INPPL1: variants seen among roughly 807,000 people sequenced by gnomAD.
INPPL1 encodes phosphatidylinositol 3,4,5-trisphosphate 5-phosphatase 2.
Under a neutral mutation model 139.3 loss-of-function variants are expected in INPPL1, and 91 were observed. That is an observed-to-expected ratio of 0.65 (90% CI 0.55 to 0.78). The LOEUF is 0.78. INPPL1 is among the 30% of genes least tolerant of loss of function. INPPL1 has a pLI of 0.00. For synonymous variants in INPPL1, 719 were observed against 686.6 expected (o/e 1.05, Z -0.74); for missense variants, 1,411 against 1,665.6 (o/e 0.85, Z 2.66).
intron 9 of INPPL1, 23 bp downstream of exon 9, chr11:72,230,294 A>C: frequency 1.2e-6 from 2 of 1,610,070 alleles, no homozygotes; most frequent in East Asian, 2.2e-5. Flanking sequence ...CAGACCTGGG[A>C]GGGGTGGGCA....
chr11:72,233,672 G>A lies in INPPL1; in HGVS notation c.2140G>A (p.Val714Ile), dbSNP rs750542712. 14 of 1,613,916 alleles carry A rather than the reference G, an allele frequency of 8.7e-6. No individual in the cohort carries two copies. The highest frequency in any genetic ancestry group is 2.2e-5 in the South Asian group (2 of 91,078). Reference sequence around the variant, plus strand: ...CTCCCCAGGTTGCACTGATGACATCGTCACCAGCGACCATTCCCCCGTGTT... The same window carrying A: ...CTCCCCAGGTTGCACTGATGACATCATCACCAGCGACCATTCCCCCGTGTT... ...CNSYGCTDDI[V>I]TSDHSPVFGT... is the part of the protein sequence containing the mutation. Residue 714 changes from valine (V) to isoleucine (I), a missense_variant, in exon 19 of 28, where the codon GTC becomes ATC. Physicochemically the swap from Val to Ile is conservative, Grantham distance 29. Around this residue, in one of 5 missense-constraint regions of INPPL1, gnomAD observed 363 missense variants for 446.2 expected, o/e 0.81. Transcript: ENST00000298229.
Position 72,228,509 on chromosome 11 carries a change from G to A in INPPL1, c.397+11G>A, listed in dbSNP as rs1000207551. 13 of 1,603,852 alleles carry A rather than the reference G, an allele frequency of 8.1e-6. No homozygotes were observed. The highest frequency in any genetic ancestry group is 1.0e-5 in the Non-Finnish European group (12 of 1,179,866). On this transcript the variant is annotated intron_variant, in intron 3 of 27. Coordinates refer to ENST00000298229, the MANE Select transcript of INPPL1 (RefSeq NM_001567.4). The surrounding 1 kb of genome is among the most constrained non-coding windows in gnomAD (Gnocchi z 5.0). ...ACCGGGATGCCTCAGGTACTTCCCA[G>A]TGTGCAGGTCCCCTCCCTGCCCCTG...
chr11:72,230,749 G>T, intron 10 of INPPL1, 47 bp from the exon 11 acceptor site: 2 of 1,530,280 alleles, frequency 1.3e-6, no homozygotes, highest in Non-Finnish European at 1.8e-6. Flanking sequence ...GTGGACGGGG[G>T]GCTTCCTGGA....
chr11:72,235,769 G>C lies in INPPL1; in HGVS notation c.2738+16G>C. 6.2e-7 allele frequency: 1 copy of C among 1,614,066 alleles called. No homozygotes were observed. The highest frequency in any genetic ancestry group is 1.3e-5 in the African/African-American group (1 of 75,048). On this transcript the variant is annotated intron_variant, in intron 24 of 27. Transcript: ENST00000298229. The surrounding 1 kb of genome is among the most constrained non-coding windows in gnomAD (Gnocchi z 4.9). ...AGGAGCCCAGGTGAGCTAGGGCTGT[G>C]TTGAATGTCATATGAAAGGGTACCT...
rs746004112 is a variant in INPPL1, at chr11:72,238,332, C to T, written c.3756C>T (p.Asp1252=). 1.9e-6 allele frequency: 3 copies of T among 1,571,922 alleles called. No individual in the cohort carries two copies. The highest frequency in any genetic ancestry group is 1.4e-5 in the African/African-American group (1 of 73,446). The part of the protein sequence containing the change: ...QDPAHKRLLL[D]TLQLSK ...CGGCTCACAAGCGCCTCCTTCTGGA[C>T]ACCCTGCAGCTCAGCAAGTGATAGC... The change falls in exon 28 of 28, where the codon GAC becomes GAT. Residue 1252 remains aspartate (D), a synonymous_variant. Transcript: ENST00000298229.
At chr11:72,223,802 G>T, upstream of INPPL1, 1 of 150,826 alleles carries the variant, frequency 6.6e-6, no homozygotes, top group South Asian at 1.8e-4. Context: ...GCGCGGGGCG[G>T]GGTGAGGCGA....
intron 13 of INPPL1, 143 bp from the exon 14 acceptor site, chr11:72,232,097 G>A: frequency 1.5e-6 from 1 of 677,226 alleles, no homozygotes; most frequent in Non-Finnish European, 2.6e-6. Context: ...GGAAGGTGTG[G>A]GTGTGTGCAG....
intron 1 of INPPL1, among the ~76,000 whole-genome samples, chr11:72,226,624 G>C (rs975080770): frequency 1.3e-5 from 2 of 152,186 alleles, no homozygotes; most frequent in Non-Finnish European, 2.9e-5. Context: ...CAGTGGTATG[G>C]AGGTTGAAAA....
Position 72,234,223 on chromosome 11 carries a change from C to G in INPPL1, c.2213-58C>G. Reference sequence around the variant, plus strand: ...CTGTCCCAGGGCCCTGTTTCTCTGTCCCATTCCTCCTGTGATCCTCTCAGT... The same window carrying G: ...CTGTCCCAGGGCCCTGTTTCTCTGTGCCATTCCTCCTGTGATCCTCTCAGT... On this transcript the variant is annotated intron_variant, in intron 19 of 27. Coordinates refer to ENST00000298229, the MANE Select transcript of INPPL1 (RefSeq NM_001567.4). The surrounding 1 kb of genome is among the most constrained non-coding windows in gnomAD (Gnocchi z 4.2). 7.5e-7 allele frequency: 1 copy of G among 1,333,492 alleles called. No homozygotes were observed. Among genetic ancestry groups the G allele is most frequent in the South Asian group, 1.2e-5 (1 of 84,556 alleles). The allele number at this position is 1,333,492 out of a possible 1,614,324, so 82.6% of individuals were successfully genotyped here.
chr11:72,234,448 G>A lies in INPPL1; in HGVS notation c.2326+54G>A, dbSNP rs1948923907. On this transcript the variant is annotated intron_variant, in intron 20 of 27. Transcript: ENST00000298229. This position sits in a 1 kb window ranked among gnomAD's most constrained non-coding sequence, Gnocchi z 4.2. ...GGCCAAGGAGGATGGGAGGCAAGAG[G>A]GTGCAGTCAGCCCCCTACTTAGGGG... The A allele has an allele frequency of 1.3e-6, 2 of 1,590,730 alleles. No homozygotes were observed. Among genetic ancestry groups the A allele is most frequent in the Non-Finnish European group, 1.7e-6 (2 of 1,158,850 alleles).
In INPPL1 at chr11:72,235,368, G is replaced by A. The variant is rs534558725; in HGVS notation, c.2576G>A (p.Arg859His). ...AQQFLTFLSH[R>H]GEETGNIRGS... Reference sequence around the variant, plus strand: ...CAGTTCCTGACCTTCCTATCCCACCGTGGCGAGGAGACAGGCAATATCAGA... The same window carrying A: ...CAGTTCCTGACCTTCCTATCCCACCATGGCGAGGAGACAGGCAATATCAGA... Residue 859 changes from arginine (R) to histidine (H), a missense_variant, in exon 23 of 28, where the codon CGT becomes CAT. Transcript: ENST00000298229. This position sits in a 1 kb window ranked among gnomAD's most constrained non-coding sequence, Gnocchi z 4.9. 3.7e-6 allele frequency: 6 copies of A among 1,614,086 alleles called. No homozygotes were observed. The African/African-American group carries it at 5.3e-5, about 14-fold the overall frequency.
At chr11:72,233,623 CCT>C (rs780844658) in intron 18 of INPPL1, 30 bp from the exon 19 acceptor site, 129 of 1,607,220 alleles carry the variant, frequency 8.0e-5, no homozygotes, top group East Asian at 6.0e-4. Context: ...GAATATTCCC[CCT>C]GAGTCCCCAT....
rs778999359 is a variant in INPPL1 at position 72,235,425 on chromosome 11, G to A, written c.2633G>A (p.Arg878His). 6.4e-5 allele frequency: 103 copies of A among 1,613,252 alleles called. No individual in the cohort carries two copies. In the South Asian group the frequency reaches 8.1e-4, roughly 13 times the overall value. ...ATGAAGGTGCGGGTGCCCACGGAGCGCCTGGGCACCCGTGAGCGGCTCTAC... is the reference window on the plus strand; with the variant it reads ...ATGAAGGTGCGGGTGCCCACGGAGCACCTGGGCACCCGTGAGCGGCTCTAC... ...GSMKVRVPTE[R>H]LGTRERLYEW... The change falls in exon 23 of 28, where the codon CGC (arginine) becomes CAC (histidine). Residue 878 changes from arginine to histidine, a missense_variant. Arg to His is a conservative substitution (Grantham distance 29). Coordinates refer to ENST00000298229, the MANE Select transcript of INPPL1 (RefSeq NM_001567.4). The surrounding 1 kb of genome is among the most constrained non-coding windows in gnomAD (Gnocchi z 4.9).
At position 72,228,518 on chromosome 11, in the gene INPPL1, T is replaced by G. The variant is rs1475882805; in HGVS notation, c.397+20T>G. The G allele has an allele frequency of 6.2e-7, 1 of 1,601,746 alleles. No individual in the cohort carries two copies. Among genetic ancestry groups the G allele is most frequent in the Non-Finnish European group, 8.5e-7 (1 of 1,179,388 alleles). On this transcript the variant is annotated intron_variant, in intron 3 of 27. Transcript: ENST00000298229. The surrounding 1 kb of genome is among the most constrained non-coding windows in gnomAD (Gnocchi z 5.0). ...CCTCAGGTACTTCCCAGTGTGCAGG[T>G]CCCCTCCCTGCCCCTGTCCCTTGGC...
Position 72,237,420 on chromosome 11 carries a change from C to T in INPPL1, c.3176C>T (p.Pro1059Leu), listed in dbSNP as rs769801718. The T allele has an allele frequency of 2.0e-5, 32 of 1,611,302 alleles. No individual in the cohort carries two copies. Among genetic ancestry groups the T allele is most frequent in the Non-Finnish European group, 2.5e-5 (30 of 1,178,212 alleles). Reference protein sequence around the residue: ...PPPDFPPPPLPDSAIFLPPSL... With the variant: ...PPPDFPPPPLLDSAIFLPPSL... ...CCAGACTTTCCACCTCCACCACTGC[C>T]GGACTCAGCCATCTTCCTGCCCCCC... Residue 1059 changes from proline to leucine, a missense_variant, in exon 26 of 28, where the codon CCG becomes CTG. Physicochemically the swap from Pro to Leu is moderately conservative, Grantham distance 98. Around this residue, in one of 5 missense-constraint regions of INPPL1, gnomAD observed 438 missense variants for 425.7 expected, o/e 1.03. Transcript: ENST00000298229.
rs749079348 is a variant in INPPL1, at chr11:72,237,164, G to GC, written c.2927dup (p.Pro977ThrfsTer7). 19 of 1,600,768 alleles carry GC rather than the reference G, an allele frequency of 1.2e-5. No individual in the cohort carries two copies. The highest frequency in any genetic ancestry group is 2.2e-5 in the East Asian group (1 of 44,516). Reference sequence around the variant, plus strand: ...AGCTCCTGAACCAGAAGGGGTGGCGGCCCCCCCACCCAAGAACAGCTTCAA... The same window carrying GC: ...AGCTCCTGAACCAGAAGGGGTGGCGGCCCCCCCCACCCAAGAACAGCTTCAA... On this transcript the variant is annotated frameshift_variant, in exon 26 of 28. Transcript: ENST00000298229. LOFTEE classifies it high-confidence loss of function.
chr11:72,234,382 A>G lies in INPPL1; in HGVS notation c.2314A>G (p.Thr772Ala). The G allele has an allele frequency of 6.2e-7, 1 of 1,613,994 alleles. No individual in the cohort carries two copies. The highest frequency in any genetic ancestry group is 1.1e-5 in the South Asian group (1 of 91,084). ...CAAGTTCTTCATCGAGTTCTACTCT[A>G]CCTGCCTGGAGGGTCAGAGGCGTGG... ...RTKFFIEFYS[T>A]CLEEYKKSFE... Residue 772 changes from threonine (T) to alanine (A), a missense_variant, in exon 20 of 28, where the codon ACC (threonine) becomes GCC (alanine). By Grantham distance (58) the Thr-to-Ala change is moderately conservative (BLOSUM62 0). This residue lies in a region of INPPL1 where 363 missense variants were observed against 446.2 expected (regional missense o/e 0.81). Coordinates refer to ENST00000298229, the MANE Select transcript of INPPL1 (RefSeq NM_001567.4). This position sits in a 1 kb window ranked among gnomAD's most constrained non-coding sequence, Gnocchi z 4.2.
At position 72,228,021 on chromosome 11, in the gene INPPL1, G is replaced by C; in HGVS notation, c.183-169G>C. ...CTGCCCAATAGGCAACACCAGGAGG[G>C]TGGAAGTGGACCGGCCACATCATTA... On this transcript the variant is annotated intron_variant, in intron 1 of 27. Coordinates refer to ENST00000298229, the MANE Select transcript of INPPL1 (RefSeq NM_001567.4). This position sits in a 1 kb window ranked among gnomAD's most constrained non-coding sequence, Gnocchi z 5.0. 4.5e-6 allele frequency: 3 copies of C among 668,450 alleles called. No individual in the cohort carries two copies. Among genetic ancestry groups the C allele is most frequent in the South Asian group, 1.7e-5 (1 of 57,890 alleles). 41.4% of individuals were successfully genotyped at this position (668,450 alleles called of 1,614,324 possible).
In INPPL1 at chr11:72,234,406, G is replaced by A. The variant is rs1948922557; in HGVS notation, c.2326+12G>A. On this transcript the variant is annotated intron_variant, in intron 20 of 27. Transcript: ENST00000298229. This position sits in a 1 kb window ranked among gnomAD's most constrained non-coding sequence, Gnocchi z 4.2. ...TACCTGCCTGGAGGGTCAGAGGCGT[G>A]GCAGGGGCTGGGTGTGGGCCAAGGA... The A allele has an allele frequency of 3.1e-6, 5 of 1,611,316 alleles. No homozygotes were observed. Among genetic ancestry groups the A allele is most frequent in the Non-Finnish European group, 4.2e-6 (5 of 1,177,478 alleles).
Sources: gnomAD v4.1 joint callset for allele counts (sites outside exome capture counted in the v4.1 genomes callset) on GRCh38, gnomAD v4.1.1 for gene constraint, gnomAD v4.1.1 regional missense constraint, Gnocchi (gnomAD v3.1) non-coding constraint, MANE v1.5 for transcripts, NCBI Gene and HGNC (gene_info 2026-07-23, HGNC 2026-07-21) for gene names.